Variants in RMND5B observed in about 807,000 individuals in gnomAD.
RMND5B encodes E3 ubiquitin-protein transferase RMND5B.
Under a neutral mutation model 50.4 loss-of-function variants are expected in RMND5B, and 42 were observed. That is an observed-to-expected ratio of 0.83 (90% CI 0.65 to 1.08). RMND5B has a LOEUF of 1.08. Among genes scored for constraint, RMND5B ranks in the 50% least tolerant of loss-of-function variants. The pLI is 0.00. For missense variants in RMND5B, 463 were observed against 508.5 expected (o/e 0.91, Z 0.86); for synonymous variants, 220 against 210.0 (o/e 1.05, Z -0.41).
Position 178,143,970 on chromosome 5 carries a change from C to G in RMND5B, c.556C>G (p.Leu186Val). Residue 186 changes from leucine to valine, a missense_variant, in exon 7 of 11, where the codon CTG becomes GTG. By Grantham distance (32) the Leu-to-Val change is conservative. Transcript: ENST00000313386. ...EWAVSHRQRL[L>V]ELNSSLEFKL... ...GGCCGTCTCCCACAGGCAGCGCCTG[C>G]TGGAACTCAACAGCTCCCTGGAGTT... 6.2e-7 allele frequency: 1 copy of G among 1,614,256 alleles called. No individual in the cohort carries two copies. The highest frequency in any genetic ancestry group is 8.5e-7 in the Non-Finnish European group (1 of 1,180,034).
chr5:178,145,687 G>A (rs573810537), intron 7 of RMND5B, among the ~76,000 whole-genome samples: 9 of 152,272 alleles, frequency 5.9e-5, no homozygotes, highest in African/African-American at 1.9e-4. Flanking sequence ...TTATAGGCAT[G>A]AGCCACCACG....
Position 178,138,382 on chromosome 5 carries a change from C to T in RMND5B, c.139+124C>T, listed in dbSNP as rs955954664. On this transcript the variant is annotated intron_variant, in intron 3 of 10. Transcript: ENST00000313386. The surrounding 1 kb of genome is among the most constrained non-coding windows in gnomAD (Gnocchi z 5.1). Reference sequence around the variant, plus strand: ...GGATGTTGGTACCTGCATCTGTAGGCCTCCTTGAAACCGGGTAATGACAGT... The same window carrying T: ...GGATGTTGGTACCTGCATCTGTAGGTCTCCTTGAAACCGGGTAATGACAGT... 3.5e-6 allele frequency: 5 copies of T among 1,434,220 alleles called. No individual in the cohort carries two copies. The highest frequency in any genetic ancestry group is 2.7e-5 in the East Asian group (1 of 37,458). 88.8% of individuals were successfully genotyped at this position (1,434,220 alleles called of 1,614,324 possible).
intron 2 of RMND5B, among the ~76,000 whole-genome samples, chr5:178,134,164 T>G (rs1758489505): frequency 6.6e-6 from 1 of 152,148 alleles, no homozygotes; most frequent in African/African-American, 2.4e-5. Flanking sequence ...TGTGCTGCAG[T>G]AGCTGAGGAC....
chr5:178,136,116 G>A (rs540753179), intron 2 of RMND5B: 2 of 152,322 alleles, frequency 1.3e-5, no homozygotes, highest in South Asian at 4.1e-4. Context: ...TCTGGCTTCA[G>A]TTCAGTTCCC....
rs1328378059 is a variant in RMND5B at position 178,150,230 on chromosome 5, T to A, written c.*2198T>A. 4.6e-6 allele frequency: 1 copy of A among 218,590 alleles called. No individual in the cohort carries two copies. The highest frequency in any genetic ancestry group is 9.3e-6 in the Non-Finnish European group (1 of 107,162). 13.5% of individuals were successfully genotyped at this position (218,590 alleles called of 1,614,324 possible). A position where few individuals can be genotyped will look rare whatever the true frequency, so the allele number is the denominator to read the frequency against. ...AAGCATCTTAGCTTACAAAGCTCTT[T>A]CACATACATCTATCTCTTTATTCTC... On this transcript the variant is annotated 3_prime_UTR_variant, in exon 11 of 11. Coordinates refer to ENST00000313386, the MANE Select transcript of RMND5B (RefSeq NM_022762.5).
intron 8 of RMND5B, chr5:178,147,256 G>A: frequency 2.1e-6 from 1 of 481,894 alleles, no homozygotes; most frequent in Non-Finnish European, 3.7e-6. Flanking sequence ...GGACTTTTCA[G>A]TCATTAGGAT....
chr5:178,150,079 G>C lies in RMND5B; in HGVS notation c.*2047G>C. ...GCAACTATGAAAGGGCTCCAGCCCA[G>C]CAGGGGCTGTCCCGGTCCCTGCCAC... On this transcript the variant is annotated 3_prime_UTR_variant, in exon 11 of 11. Coordinates refer to ENST00000313386, the MANE Select transcript of RMND5B (RefSeq NM_022762.5). The C allele has an allele frequency of 2.4e-6, 1 of 421,898 alleles. No individual in the cohort carries two copies. Among genetic ancestry groups the C allele is most frequent in the Non-Finnish European group, 4.3e-6 (1 of 230,468 alleles). 26.1% of individuals were successfully genotyped at this position (421,898 alleles called of 1,614,324 possible).
At position 178,149,812 on chromosome 5, in the gene RMND5B, CTT is replaced by C; in HGVS notation, c.*1781_*1782del. 1 of 1,613,820 alleles carries C rather than the reference CTT, an allele frequency of 6.2e-7. No individual in the cohort carries two copies. Among genetic ancestry groups the C allele is most frequent in the Non-Finnish European group, 8.5e-7 (1 of 1,179,814 alleles). On this transcript the variant is annotated 3_prime_UTR_variant, in exon 11 of 11. Transcript: ENST00000313386. ...TGACCATTATCACACAGGTGGGGCGCTTGGAGCCTGCGGCTGCACCCAGGTCC... is the reference window on the plus strand; with the variant it reads ...TGACCATTATCACACAGGTGGGGCGCGGAGCCTGCGGCTGCACCCAGGTCC...
chr5:178,133,057 G>T (rs1415407894), intron 2 of RMND5B, among the ~76,000 whole-genome samples: 2 of 151,772 alleles, frequency 1.3e-5, no homozygotes, highest in Non-Finnish European at 2.9e-5. Flanking sequence ...TAGAGACAGG[G>T]TTTCGCCATG....
chr5:178,138,049 A>T lies in RMND5B; in HGVS notation c.-12-59A>T, dbSNP rs1244136624. ...AGGGATCTGAAGAGGTGGTCTGGGC[A>T]CCCTGCCTGCCATGCCACCGTGGCC... is the stretch of plus-strand genomic sequence containing the variant. On this transcript the variant is annotated intron_variant, in intron 2 of 10. Transcript: ENST00000313386. This position sits in a 1 kb window ranked among gnomAD's most constrained non-coding sequence, Gnocchi z 5.1. 1.5e-5 allele frequency: 23 copies of T among 1,498,838 alleles called. No homozygotes were observed. Among genetic ancestry groups the T allele is most frequent in the Non-Finnish European group, 2.1e-5 (23 of 1,113,230 alleles). The allele number at this position is 1,498,838 out of a possible 1,614,324, so 92.8% of individuals were successfully genotyped here.
chr5:178,139,544 A>ATT (rs2113403937), intron 3 of RMND5B, among the ~76,000 whole-genome samples: 1 of 15,718 alleles, frequency 6.4e-5, no homozygotes, highest in South Asian at 5.3e-3. Flanking sequence ...TTGTCCCAGG[A>ATT]ATTTTTTTTT....
chr5:178,137,697 G>A lies in RMND5B; in HGVS notation c.-12-411G>A, dbSNP rs187715212. Among the ~76,000 whole-genome samples the A allele has an allele frequency of 0.016, 2,490 of 152,194 alleles. 32 individuals are homozygous for A. The highest frequency in any genetic ancestry group is 0.027 in the Non-Finnish European group (1,831 of 67,984). ...AGAACAAGAGCCTGTCTCAAAAAAA[G>A]AAAATACATACGTGTAATATGACAT... On this transcript the variant is annotated intron_variant, in intron 2 of 10. Coordinates refer to ENST00000313386, the MANE Select transcript of RMND5B (RefSeq NM_022762.5). The surrounding 1 kb of genome is among the most constrained non-coding windows in gnomAD (Gnocchi z 4.4).
At chr5:178,144,554 A>G (rs1301386964) in intron 7 of RMND5B, among the ~76,000 whole-genome samples, 1 of 151,874 alleles carries the variant, frequency 6.6e-6, no homozygotes, top group African/African-American at 2.4e-5. Context: ...TAACATGGTA[A>G]AACCCCATCT....
chr5:178,144,624 A>G (rs1755883758), intron 7 of RMND5B, among the ~76,000 whole-genome samples: 2 of 151,748 alleles, frequency 1.3e-5, no homozygotes. Context: ...AGTCCCAGCT[A>G]CTAGGCTGAA....
Position 178,137,125 on chromosome 5 carries a change from G to A in RMND5B, c.-12-983G>A, listed in dbSNP as rs1758657654. Among the ~76,000 whole-genome samples, 1 of 152,124 alleles carries A rather than the reference G, an allele frequency of 6.6e-6. No individual in the cohort carries two copies. The highest frequency in any genetic ancestry group is 6.5e-5 in the Admixed American group (1 of 15,268). ...CTCAAGTAGTCGAGGAGGTAAGGGT[G>A]ATGGAGAGCAGGCCAGGTGAGGAAG... On this transcript the variant is annotated intron_variant, in intron 2 of 10. Coordinates refer to ENST00000313386, the MANE Select transcript of RMND5B (RefSeq NM_022762.5). This position sits in a 1 kb window ranked among gnomAD's most constrained non-coding sequence, Gnocchi z 4.4.
intron 2 of RMND5B, among the ~76,000 whole-genome samples, chr5:178,135,795 G>T (rs1373376463): frequency 1.3e-5 from 2 of 152,154 alleles, no homozygotes; most frequent in Non-Finnish European, 2.9e-5. Context: ...GTCTGACAGG[G>T]CCGGATTGTT....
chr5:178,147,774 G>T lies in RMND5B; in HGVS notation c.1009G>T (p.Ala337Ser). Residue 337 changes from alanine to serine, a missense_variant, in exon 10 of 11, where the codon GCT becomes TCT. Coordinates refer to ENST00000313386, the MANE Select transcript of RMND5B (RefSeq NM_022762.5). ...GAAGTGCTGGTACCACTCCGTGTTC[G>T]CTTGCCCCATCCTCCGCCAGCAGAC... ...GMKCWYHSVFACPILRQQTSD... is the reference protein window; with the variant it reads ...GMKCWYHSVFSCPILRQQTSD... The T allele has an allele frequency of 1.2e-6, 2 of 1,614,116 alleles. No individual in the cohort carries two copies. Among genetic ancestry groups the T allele is most frequent in the Non-Finnish European group, 1.7e-6 (2 of 1,180,034 alleles).
At chr5:178,132,206 C>T (rs569962072) in intron 2 of RMND5B, among the ~76,000 whole-genome samples, 2 of 152,050 alleles carry the variant, frequency 1.3e-5, no homozygotes, top group African/African-American at 4.8e-5. Flanking sequence ...TTTGGGAGGC[C>T]AAGGCGGGAG....
intron 2 of RMND5B, chr5:178,133,338 A>T (rs7718478): frequency 0.3 from 45,471 of 152,006 alleles, 7,161 homozygotes; most frequent in East Asian, 0.45. Context: ...CCACTCCTAC[A>T]CATTTGAGCT....
Sources: gnomAD v4.1 joint callset for allele counts (sites outside exome capture counted in the v4.1 genomes callset) on GRCh38, gnomAD v4.1.1 for gene constraint, Gnocchi (gnomAD v3.1) non-coding constraint, MANE v1.5 for transcripts, NCBI Gene and HGNC (gene_info 2026-07-23, HGNC 2026-07-21) for gene names.